The following ANKRD46 variants were observed in gnomAD, a reference collection of about 807,000 sequenced individuals.
ANKRD46 encodes ankyrin repeat domain 46, also known as ankyrin repeat domain-containing protein 46.
Under a neutral mutation model 19.8 loss-of-function variants are expected in ANKRD46, and 13 were observed. The ratio of observed to expected loss-of-function variants is 0.66; its 90% CI spans 0.43 to 1.04. The LOEUF (loss-of-function observed/expected upper bound fraction) is 1.04. Ranked by LOEUF, ANKRD46 falls within the 50% of genes least tolerant of loss-of-function variation. The pLI is 0.00. For synonymous variants in ANKRD46, 91 were observed against 106.9 expected (o/e 0.85, Z 0.92); for missense variants, 185 against 274.8 (o/e 0.67, Z 2.31).
Position 100,529,650 on chromosome 8 carries a change from G to A in ANKRD46, c.184C>T (p.Gln62Ter). The A allele has an allele frequency of 6.2e-7, 1 of 1,614,222 alleles. No individual in the cohort carries two copies. Among genetic ancestry groups the A allele is most frequent in the Non-Finnish European group, 8.5e-7 (1 of 1,180,046 alleles). ...AAARGNVDIC[Q>*]LLHKFGADLL... ...TCGGCACCGAATTTATGCAGTAACT[G>A]GCAGATGTCTACATTCCCTCGAGCT... The change falls in exon 3 of 5, where the codon CAG (glutamine) becomes TAG (stop). Residue 62 changes from glutamine (Q) to a stop codon, truncating the protein, a stop_gained. Coordinates refer to ENST00000335659, the MANE Select transcript of ANKRD46 (RefSeq NM_001270377.2). LOFTEE classifies it high-confidence loss of function. The surrounding 1 kb of genome is among the most constrained non-coding windows in gnomAD (Gnocchi z 5.8).
intron 1 of ANKRD46, chr8:100,551,743 G>C (rs1219319810): frequency 3.6e-6 from 2 of 557,870 alleles, no homozygotes; most frequent in Non-Finnish European, 6.8e-6. Flanking sequence ...TTTGAGAAGA[G>C]GATGGTCAGC....
At position 100,511,338 on chromosome 8, in the gene ANKRD46, C is replaced by T. The variant is rs1236592891; in HGVS notation, c.637-699G>A. Among the ~76,000 whole-genome samples the T allele has an allele frequency of 1.3e-5, 2 of 152,202 alleles. No individual in the cohort carries two copies. The highest frequency in any genetic ancestry group is 2.9e-5 in the Non-Finnish European group (2 of 68,030). On this transcript the variant is annotated intron_variant, in intron 5 of 5. Coordinates refer to the ANKRD46 transcript ENST00000520552. This position sits in a 1 kb window ranked among gnomAD's most constrained non-coding sequence, Gnocchi z 4.1. ...CGAGACCCCTGTGCTCACCACCACACTCTTCTGCCTCCCAGTCACAAAAGA... is the reference window on the plus strand; with the variant it reads ...CGAGACCCCTGTGCTCACCACCACATTCTTCTGCCTCCCAGTCACAAAAGA...
intron 4 of ANKRD46, among the ~76,000 whole-genome samples, chr8:100,523,216 T>G (rs926542458): frequency 2.0e-5 from 3 of 151,958 alleles, no homozygotes; most frequent in Admixed American, 6.6e-5. Context: ...ATGAGTTGTC[T>G]CCATCAAGAT....
rs1425134358 is a variant in ANKRD46 at position 100,521,094 on chromosome 8, C to A, written c.*1461G>T. ...AAGACTCTGCAAGCTGATCCTGAAG[C>A]AGCCAGTTACTCAGGAATTTTACAA... On this transcript the variant is annotated 3_prime_UTR_variant, in exon 5 of 5. Coordinates refer to ENST00000335659, the MANE Select transcript of ANKRD46 (RefSeq NM_001270377.2). The A allele has an allele frequency of 1.0e-6, 1 of 984,976 alleles. No homozygotes were observed. The highest frequency in any genetic ancestry group is 1.8e-5 in the African/African-American group (1 of 57,084). The allele number at this position is 984,976 out of a possible 1,614,324, so 61.0% of individuals were successfully genotyped here.
chr8:100,514,548 T>C (rs1811596982), intron 5 of ANKRD46, among the ~76,000 whole-genome samples: 1 of 147,790 alleles, frequency 6.8e-6, no homozygotes, highest in Non-Finnish European at 1.5e-5. Context: ...CTATTGAACA[T>C]CCTGAAAAGT....
intron 5 of ANKRD46, among the ~76,000 whole-genome samples, chr8:100,512,597 T>C (rs1364796128): frequency 6.6e-6 from 1 of 152,196 alleles, no homozygotes; most frequent in Non-Finnish European, 1.5e-5. Context: ...TAGGGTCTTA[T>C]AGTGTCAAAA....
chr8:100,541,448 G>A (rs1009513109), intron 1 of ANKRD46, among the ~76,000 whole-genome samples: 1 of 152,042 alleles, frequency 6.6e-6, no homozygotes, highest in Non-Finnish European at 1.5e-5. Flanking sequence ...TTAATGATGG[G>A]GTATGTTCTG....
Position 100,522,520 on chromosome 8 carries a change from C to T in ANKRD46, c.*35G>A. ...AGAACAAACATTGGAAGCCAGGAAA[C>T]AGGCAATTAATTGCCTCATCTTCCA... On this transcript the variant is annotated 3_prime_UTR_variant, in exon 5 of 5. Coordinates refer to ENST00000335659, the MANE Select transcript of ANKRD46 (RefSeq NM_001270377.2). 6.2e-7 allele frequency: 1 copy of T among 1,608,168 alleles called. No homozygotes were observed. Among genetic ancestry groups the T allele is most frequent in the Non-Finnish European group, 8.5e-7 (1 of 1,176,146 alleles).
chr8:100,533,175 T>A (rs973964530), intron 2 of ANKRD46, 34 bp downstream of exon 2: 1 of 152,252 alleles, frequency 6.6e-6, no homozygotes, highest in Non-Finnish European at 1.5e-5. Flanking sequence ...AGGTTTCACA[T>A]CTTGTGAGGA....
chr8:100,527,949 T>C lies in ANKRD46; in HGVS notation c.366A>G (p.Lys122=). The change falls in exon 4 of 5, where the codon AAA becomes AAG. Residue 122 remains lysine, a synonymous_variant. Transcript: ENST00000335659. This position sits in a 1 kb window ranked among gnomAD's most constrained non-coding sequence, Gnocchi z 4.0. ...AAGATTCCAGCAATCGGATGACATC[T>C]TTATTTACTCCTCTGCGCTTTGCCA... ...LVLAKRRGVN[K]DVIRLLESLE... The C allele has an allele frequency of 6.2e-7, 1 of 1,613,400 alleles. No individual in the cohort carries two copies. The highest frequency in any genetic ancestry group is 1.3e-5 in the African/African-American group (1 of 74,778).
intron 1 of ANKRD46, among the ~76,000 whole-genome samples, chr8:100,554,256 T>C (rs996662970): frequency 1.3e-5 from 2 of 152,172 alleles, no homozygotes; most frequent in African/African-American, 4.8e-5. Flanking sequence ...AAACACTGAT[T>C]TGGTGGAAGT....
At chr8:100,515,060 C>G (rs556443744) in intron 5 of ANKRD46, among the ~76,000 whole-genome samples, 9 of 152,176 alleles carry the variant, frequency 5.9e-5, no homozygotes, top group Non-Finnish European at 1.3e-4. Context: ...ACATCTCTGG[C>G]ACACTGGAGA....
intron 1 of ANKRD46, among the ~76,000 whole-genome samples, chr8:100,540,689 A>G (rs1476425590): frequency 6.6e-6 from 1 of 152,240 alleles, no homozygotes; most frequent in Non-Finnish European, 1.5e-5. Context: ...ATTAAAGTTT[A>G]GTTACAATTC....
intron 1 of ANKRD46, chr8:100,551,185 A>G: frequency 4.5e-6 from 2 of 440,520 alleles, no homozygotes; most frequent in Non-Finnish European, 8.6e-6. Context: ...GGCAGCATGG[A>G]TTGTGGTCAC....
At chr8:100,516,199 T>C (rs2555203), downstream of ANKRD46, among the ~76,000 whole-genome samples, 56,750 of 152,020 alleles carry the variant, frequency 0.37, 10,757 homozygotes, top group Middle Eastern at 0.43. Context: ...TTTTCAGGCT[T>C]CATTCAAATG....
Position 100,510,770 on chromosome 8 carries a change from C to A in ANKRD46, c.637-131G>T, listed in dbSNP as rs1811536789. The A allele has an allele frequency of 1.3e-6, 1 of 788,844 alleles. No homozygotes were observed. The highest frequency in any genetic ancestry group is 1.9e-6 in the Non-Finnish European group (1 of 520,236). 48.9% of individuals were successfully genotyped at this position (788,844 alleles called of 1,614,324 possible). A position where few individuals can be genotyped will look rare whatever the true frequency, so the allele number is the denominator to read the frequency against. ...AAGCACAGGCTTGCTTCTCCTCTGC[C>A]CATCTCAGCTCTCAACGCTCACAGG... On this transcript the variant is annotated intron_variant, in intron 5 of 5. Coordinates refer to the ANKRD46 transcript ENST00000520552. The surrounding 1 kb of genome is among the most constrained non-coding windows in gnomAD (Gnocchi z 4.9).
rs977486712 is a variant in ANKRD46 at position 100,544,645 on chromosome 8, A to G, written c.-130-11334T>C. On this transcript the variant is annotated intron_variant, in intron 1 of 4. Transcript: ENST00000335659. The surrounding 1 kb of genome is among the most constrained non-coding windows in gnomAD (Gnocchi z 4.4). The stretch of plus-strand genomic sequence containing the variant: ...TTAGGTCCTAACTCGGCCATTTTCT[A>G]AGGCACTATCTTGAGTAGTCCAACT... Among the ~76,000 whole-genome samples, 8 of 152,218 alleles carry G rather than the reference A, an allele frequency of 5.3e-5. No homozygotes were observed. The highest frequency in any genetic ancestry group is 1.3e-4 in the Admixed American group (2 of 15,278).
chr8:100,510,929 C>A lies in ANKRD46; in HGVS notation c.637-290G>T, dbSNP rs566688751. On this transcript the variant is annotated intron_variant, in intron 5 of 5. Transcript: ENST00000520552. The surrounding 1 kb of genome is among the most constrained non-coding windows in gnomAD (Gnocchi z 4.9). The stretch of plus-strand genomic sequence containing the variant: ...TAATGAAAGCTCAAAGAGCTGAAGC[C>A]ATCTGGGAACCTAATCACCCACTGC... 2.0e-3 allele frequency among the ~76,000 whole-genome samples: 299 copies of A among 152,292 alleles called. 2 individuals are homozygous for A. Among genetic ancestry groups the A allele is most frequent in the African/African-American group, 6.0e-3 (250 of 41,560 alleles).
downstream of ANKRD46, among the ~76,000 whole-genome samples, chr8:100,517,766 C>T (rs190980623): frequency 2.4e-3 from 360 of 152,328 alleles, no homozygotes; most frequent in Non-Finnish European, 4.1e-3. Flanking sequence ...GGAATTGCTT[C>T]GGCCTGAACA....
Sources: gnomAD v4.1 joint callset for allele counts (sites outside exome capture counted in the v4.1 genomes callset) on GRCh38, gnomAD v4.1.1 for gene constraint, Gnocchi (gnomAD v3.1) non-coding constraint, MANE v1.5 for transcripts, NCBI Gene and HGNC (gene_info 2026-07-23, HGNC 2026-07-21) for gene names.